GRK5: variants seen among roughly 807,000 people sequenced by gnomAD.
GRK5 encodes G protein-coupled receptor kinase 5, also known as g protein-coupled receptor kinase GRK5.
GRK5 carries 40 observed loss-of-function variants against 78.4 expected under a neutral mutation model. The observed-to-expected ratio is 0.51, with a 90% confidence interval of 0.40 to 0.66. The LOEUF (loss-of-function observed/expected upper bound fraction) is 0.66, where lower values mean the gene tolerates loss of function less well. Ranked by LOEUF, GRK5 falls within the 30% of genes least tolerant of loss-of-function variation. The pLI is 0.00. For missense variants in GRK5, 598 were observed against 759.9 expected (o/e 0.79, Z 2.50); for synonymous variants, 289 against 296.8 (o/e 0.97, Z 0.27).
chr10:119,337,928 C>A (rs1012460448), intron 2 of GRK5, among the ~76,000 whole-genome samples: 4 of 152,092 alleles, frequency 2.6e-5, no homozygotes, highest in African/African-American at 9.7e-5. Flanking sequence ...GGCCAAGTTT[C>A]CCCTTTTTCA....
chr10:119,296,207 A>G (rs1301851079), intron 1 of GRK5, among the ~76,000 whole-genome samples: 1 of 152,212 alleles, frequency 6.6e-6, no homozygotes, highest in East Asian at 1.9e-4. Flanking sequence ...AATGGCTGCG[A>G]CAGTTCCAGG....
chr10:119,371,796 A>C (rs1004236914), intron 2 of GRK5, among the ~76,000 whole-genome samples: 2 of 152,208 alleles, frequency 1.3e-5, no homozygotes, highest in Admixed American at 1.3e-4. Flanking sequence ...AGTCTGATAG[A>C]GGAGATAGGA....
chr10:119,261,069 T>C (rs1589708107), intron 1 of GRK5, among the ~76,000 whole-genome samples: 2 of 4,250 alleles, frequency 4.7e-4, no homozygotes, highest in Non-Finnish European at 1.3e-3. Flanking sequence ...ACGGGGCGGC[T>C]GGCCGGGCGG....
chr10:119,231,139 A>G (rs1848822043), intron 1 of GRK5, among the ~76,000 whole-genome samples: 1 of 152,202 alleles, frequency 6.6e-6, no homozygotes, highest in Admixed American at 6.5e-5. Context: ...AAGACAACAC[A>G]CAGAATTGGG....
chr10:119,304,201 T>G (rs1850233683), intron 1 of GRK5, among the ~76,000 whole-genome samples: 1 of 151,422 alleles, frequency 6.6e-6, no homozygotes, highest in Non-Finnish European at 1.5e-5. Context: ...AGTGGGATGA[T>G]GTGGCCTGTG....
At chr10:119,236,667 T>C (rs946876077) in intron 1 of GRK5, among the ~76,000 whole-genome samples, 4 of 151,994 alleles carry the variant, frequency 2.6e-5, no homozygotes, top group Non-Finnish European at 5.9e-5. Flanking sequence ...TGAGACGGAG[T>C]CTTGCTCTGT....
chr10:119,323,597 C>G (rs1301796042), intron 1 of GRK5, among the ~76,000 whole-genome samples: 1 of 151,906 alleles, frequency 6.6e-6, no homozygotes, highest in Non-Finnish European at 1.5e-5. Flanking sequence ...CATGTGCTGT[C>G]CCCCGGGCAG....
chr10:119,322,992 G>A (rs1589744331), intron 1 of GRK5, among the ~76,000 whole-genome samples: 1 of 152,228 alleles, frequency 6.6e-6, no homozygotes, highest in Non-Finnish European at 1.5e-5. Flanking sequence ...ATGAAGTTCT[G>A]ACACATGCTC....
chr10:119,342,369 G>C (rs1470456017), intron 2 of GRK5, among the ~76,000 whole-genome samples: 1 of 152,210 alleles, frequency 6.6e-6, no homozygotes, highest in Non-Finnish European at 1.5e-5. Flanking sequence ...TTTTCATCCA[G>C]GCTCTATTCC....
At chr10:119,362,386 C>T (rs866171179) in intron 2 of GRK5, among the ~76,000 whole-genome samples, 7 of 152,224 alleles carry the variant, frequency 4.6e-5, no homozygotes, top group African/African-American at 1.2e-4. Context: ...GGCAGTCTTG[C>T]GCAACTCTTC....
chr10:119,225,131 T>A (rs967434182), intron 1 of GRK5, among the ~76,000 whole-genome samples: 1 of 152,246 alleles, frequency 6.6e-6, no homozygotes, highest in Non-Finnish European at 1.5e-5. Context: ...CCGCCACTGC[T>A]AATTGAACTG....
At chr10:119,368,156 G>C (rs1006573949) in intron 2 of GRK5, among the ~76,000 whole-genome samples, 1 of 152,246 alleles carries the variant, frequency 6.6e-6, no homozygotes, top group African/African-American at 2.4e-5. Context: ...CCAGGGCAGC[G>C]TGCAGGAAGG....
intron 2 of GRK5, among the ~76,000 whole-genome samples, chr10:119,348,409 CA>C (rs200549338): frequency 0.036 from 5,423 of 152,276 alleles, 199 homozygotes; most frequent in African/African-American, 0.094. Context: ...ATGAATAAGT[CA>C]GTGCGTTAGA....
intron 3 of GRK5, among the ~76,000 whole-genome samples, chr10:119,393,519 G>T (rs1269283876): frequency 6.6e-6 from 1 of 152,236 alleles, no homozygotes; most frequent in African/African-American, 2.4e-5. Context: ...GTTCTGGATG[G>T]TATAGAGTTA....
In GRK5 at chr10:119,431,527, G is replaced by A. The variant is rs1191477955; in HGVS notation, c.738G>A (p.Val246=). ...TCGAGAAGGTCAACAGTCAGTTTGTGGTGAGTGAGCATCTGGGCCCAGTGA... is the reference window on the plus strand; with the variant it reads ...TCGAGAAGGTCAACAGTCAGTTTGTAGTGAGTGAGCATCTGGGCCCAGTGA... ...QILEKVNSQF[V]VNLAYAYETK... Residue 246 remains valine, a splice_region_variant and synonymous_variant, in exon 8 of 16, where the codon GTG becomes GTA. Transcript: ENST00000392870. This position sits in a 1 kb window ranked among gnomAD's most constrained non-coding sequence, Gnocchi z 4.8. 1 of 1,612,508 alleles carries A rather than the reference G, an allele frequency of 6.2e-7. No homozygotes were observed. Among genetic ancestry groups the A allele is most frequent in the South Asian group, 1.1e-5 (1 of 90,842 alleles).
In GRK5 at chr10:119,424,353, T is replaced by C. The variant is rs184648667; in HGVS notation, c.441-640T>C. ...TGGCCACTTTCTAAAGGAAAGAAGCTGCCTGCAGACAGTTTCAGAACCTGC... is the reference window on the plus strand; with the variant it reads ...TGGCCACTTTCTAAAGGAAAGAAGCCGCCTGCAGACAGTTTCAGAACCTGC... On this transcript the variant is annotated intron_variant, in intron 5 of 15. Transcript: ENST00000392870. Among the ~76,000 whole-genome samples, 29 of 152,352 alleles carry C rather than the reference T, an allele frequency of 1.9e-4. No homozygotes were observed. In the East Asian group the frequency reaches 2.9e-3, roughly 15 times the overall value.
intron 2 of GRK5, among the ~76,000 whole-genome samples, chr10:119,361,227 G>A (rs943939438): frequency 2.0e-5 from 3 of 152,214 alleles, no homozygotes; most frequent in African/African-American, 4.8e-5. Flanking sequence ...TCAGAGGTGC[G>A]GCTCATGGCA....
intron 3 of GRK5, among the ~76,000 whole-genome samples, chr10:119,395,848 C>T (rs566695343): frequency 7.2e-5 from 11 of 152,252 alleles, no homozygotes; most frequent in African/African-American, 1.2e-4. Context: ...TGCCACCTCC[C>T]GCTGCATGAC....
intron 1 of GRK5, among the ~76,000 whole-genome samples, chr10:119,230,121 C>G (rs1428780109): frequency 6.6e-6 from 1 of 152,112 alleles, no homozygotes; most frequent in Non-Finnish European, 1.5e-5. Context: ...AGCAGGAAGG[C>G]TGCAGAAGAA....
Sources: gnomAD v4.1 joint callset for allele counts (sites outside exome capture counted in the v4.1 genomes callset) on GRCh38, gnomAD v4.1.1 for gene constraint, Gnocchi (gnomAD v3.1) non-coding constraint, MANE v1.5 for transcripts, NCBI Gene and HGNC (gene_info 2026-07-23, HGNC 2026-07-21) for gene names.